LPAR1: variants seen among roughly 807,000 people sequenced by gnomAD.
The protein encoded by LPAR1 is lysophosphatidic acid receptor 1.
Under a neutral mutation model 23.8 loss-of-function variants are expected in LPAR1, and 5 were observed. The ratio of observed to expected loss-of-function variants is 0.21; its 90% CI spans 0.11 to 0.44. LPAR1 has a LOEUF of 0.44. Ranked by LOEUF, LPAR1 falls within the 20% of genes least tolerant of loss-of-function variation. LPAR1 has a pLI of 0.99. For missense variants in LPAR1, 311 were observed against 482.8 expected, an observed-to-expected ratio of 0.64 and a Z score of 3.33; for synonymous variants, 160 against 164.7, an observed-to-expected ratio of 0.97 and a Z score of 0.22.
chr9:110,902,841 C>A (rs1458835912), intron 5 of LPAR1, among the ~76,000 whole-genome samples: 3 of 152,196 alleles, frequency 2.0e-5, no homozygotes, highest in Admixed American at 6.5e-5. Flanking sequence ...CCCTCTACCT[C>A]CATCAGAGGC....
At chr9:110,929,040 A>G (rs1057336726) in intron 5 of LPAR1, among the ~76,000 whole-genome samples, 1 of 152,264 alleles carries the variant, frequency 6.6e-6, no homozygotes, top group Admixed American at 6.5e-5. Flanking sequence ...TGTGTCAACA[A>G]AAGTCTACTT....
chr9:111,001,731 C>A (rs1270692327), intron 2 of LPAR1, among the ~76,000 whole-genome samples: 5 of 151,906 alleles, frequency 3.3e-5, no homozygotes, highest in African/African-American at 1.2e-4. Flanking sequence ...GGGAAAGCTG[C>A]CTCTATTTCC....
intron 5 of LPAR1, among the ~76,000 whole-genome samples, chr9:110,911,349 CA>C (rs1483993208): frequency 6.6e-6 from 1 of 152,054 alleles, no homozygotes; most frequent in Non-Finnish European, 1.5e-5. Flanking sequence ...GAGTTTGAGA[CA>C]AGCCTGGGCA....
In LPAR1 at chr9:111,029,105, A is replaced by G. The variant is rs1168378361; in HGVS notation, c.-182+7017T>C. ...CTGCTAAAGAAAAATAACCTAAAGA[A>G]TTGAAATAAGCCTTGTCCTTGTTAA... is the stretch of plus-strand genomic sequence containing the variant. On this transcript the variant is annotated intron_variant, in intron 2 of 5. Transcript: ENST00000683809. 5.3e-5 allele frequency among the ~76,000 whole-genome samples: 8 copies of G among 152,246 alleles called. No homozygotes were observed. In the East Asian group the frequency reaches 1.3e-3, roughly 26 times the overall value.
In LPAR1 at chr9:110,941,502, T is replaced by C; in HGVS notation, c.712A>G (p.Arg238Gly). Residue 238 changes from arginine to glycine, a missense_variant, in exon 5 of 6, where the codon AGA becomes GGA. This residue lies in a region of LPAR1 where 250 missense variants were observed against 427.2 expected (regional missense o/e 0.59). Transcript: ENST00000683809. The surrounding 1 kb of genome is among the most constrained non-coding windows in gnomAD (Gnocchi z 6.1). ...IFGYVRQRTM[R>G]MSRHSSGPRR... is the part of the protein sequence containing the mutation. ...GGTCCAGAACTATGCCGAGACATTC[T>C]CATAGTCCTCTGGCGAACATAGCCA... is the stretch of plus-strand genomic sequence containing the variant. 6.2e-7 allele frequency: 1 copy of C among 1,614,018 alleles called. No individual in the cohort carries two copies. Among genetic ancestry groups the C allele is most frequent in the Non-Finnish European group, 8.5e-7 (1 of 1,179,896 alleles).
At chr9:110,902,945 A>G (rs1416534189) in intron 5 of LPAR1, among the ~76,000 whole-genome samples, 1 of 152,218 alleles carries the variant, frequency 6.6e-6, no homozygotes, top group African/African-American at 2.4e-5. Flanking sequence ...CAAGAAGACC[A>G]AAATAGCACC....
intron 5 of LPAR1, among the ~76,000 whole-genome samples, chr9:110,884,473 CTAT>C (rs1459026242): frequency 1.3e-5 from 2 of 152,254 alleles, no homozygotes; most frequent in South Asian, 2.1e-4. Context: ...TCCACTGTGT[CTAT>C]TATTACCTAA....
intron 5 of LPAR1, among the ~76,000 whole-genome samples, chr9:110,928,208 T>C (rs1403434193): frequency 1.3e-5 from 2 of 152,286 alleles, no homozygotes; most frequent in South Asian, 2.1e-4. Context: ...GAGCAATACA[T>C]AGAAATGAAT....
chr9:111,001,909 A>G (rs2097135423), intron 2 of LPAR1, among the ~76,000 whole-genome samples: 2 of 152,210 alleles, frequency 1.3e-5, no homozygotes, highest in Admixed American at 1.3e-4. Context: ...AATAATACAT[A>G]CAGCTTCTGA....
chr9:110,968,163 G>A (rs997828035), intron 4 of LPAR1, among the ~76,000 whole-genome samples: 5 of 152,232 alleles, frequency 3.3e-5, no homozygotes, highest in Admixed American at 6.5e-5. Flanking sequence ...TCATTAATAC[G>A]GTTTGAAAGA....
At chr9:110,932,123 T>C (rs1340595274) in intron 5 of LPAR1, among the ~76,000 whole-genome samples, 2 of 152,160 alleles carry the variant, frequency 1.3e-5, no homozygotes, top group African/African-American at 2.4e-5. Context: ...TCAAATCGCA[T>C]TGAATTTTTG....
intron 5 of LPAR1, among the ~76,000 whole-genome samples, chr9:110,924,499 C>T (rs1042557977): frequency 2.6e-5 from 4 of 151,586 alleles, no homozygotes; most frequent in African/African-American, 9.7e-5. Flanking sequence ...AAATGATTTT[C>T]TTTTTTTTCC....
intron 2 of LPAR1, among the ~76,000 whole-genome samples, chr9:110,976,775 G>A (rs978820639): frequency 7.2e-5 from 11 of 151,838 alleles, no homozygotes; most frequent in South Asian, 2.1e-4. Context: ...TCTCAAAACC[G>A]TAAAATTACT....
intron 5 of LPAR1, among the ~76,000 whole-genome samples, chr9:110,911,667 T>C (rs1367798807): frequency 1.3e-5 from 2 of 152,248 alleles, no homozygotes; most frequent in African/African-American, 4.8e-5. Context: ...TTAGCATTTT[T>C]AAAGAAATAA....
At chr9:110,885,818 T>G (rs1260300227) in intron 5 of LPAR1, among the ~76,000 whole-genome samples, 2 of 152,190 alleles carry the variant, frequency 1.3e-5, no homozygotes, top group Non-Finnish European at 2.9e-5. Context: ...ATCCCAACAC[T>G]TTGGGAGGCT....
chr9:110,930,584 C>G (rs982647863), intron 5 of LPAR1, among the ~76,000 whole-genome samples: 13 of 152,048 alleles, frequency 8.5e-5, no homozygotes, highest in Non-Finnish European at 5.9e-5. Flanking sequence ...AACCCATTTA[C>G]TTCATAACCA....
chr9:110,888,283 C>A (rs1165414103), intron 5 of LPAR1, among the ~76,000 whole-genome samples: 2 of 152,146 alleles, frequency 1.3e-5, no homozygotes, highest in Non-Finnish European at 2.9e-5. Context: ...AATTAAGCAT[C>A]CCATACTACT....
chr9:111,007,549 A>C (rs1167012962), intron 2 of LPAR1, among the ~76,000 whole-genome samples: 1 of 152,184 alleles, frequency 6.6e-6, no homozygotes, highest in Non-Finnish European at 1.5e-5. Flanking sequence ...AAAGTGATTA[A>C]ATAATCTAAT....
intron 4 of LPAR1, among the ~76,000 whole-genome samples, chr9:110,946,644 A>C (rs2095391361): frequency 6.6e-6 from 1 of 152,110 alleles, no homozygotes; most frequent in Non-Finnish European, 1.5e-5. Context: ...GAAAGTGTAT[A>C]TAGTATTTAA....
Sources: gnomAD v4.1 joint callset for allele counts (sites outside exome capture counted in the v4.1 genomes callset) on GRCh38, gnomAD v4.1.1 for gene constraint, gnomAD v4.1.1 regional missense constraint, Gnocchi (gnomAD v3.1) non-coding constraint, MANE v1.5 for transcripts, NCBI Gene and HGNC (gene_info 2026-07-23, HGNC 2026-07-21) for gene names.